CCDC60: variants seen among roughly 807,000 people sequenced by gnomAD.
CCDC60 encodes coiled-coil domain-containing protein 60.
CCDC60 carries 54 observed loss-of-function variants against 63.5 expected under a neutral mutation model. The ratio of observed to expected loss-of-function variants is 0.85; its 90% CI spans 0.68 to 1.07. The LOEUF is 1.07. Ranked by LOEUF, CCDC60 falls within the 50% of genes least tolerant of loss-of-function variation. The pLI, the probability that CCDC60 is intolerant of heterozygous loss-of-function variation, is 0.00. For missense variants in CCDC60, 651 were observed against 684.3 expected, an observed-to-expected ratio of 0.95 and a Z score of 0.54; for synonymous variants, 206 against 238.8, an observed-to-expected ratio of 0.86 and a Z score of 1.27.
Position 119,420,500 on chromosome 12 carries a change from G to T in CCDC60, c.91-8183G>T, listed in dbSNP as rs1332932666. 6.6e-6 allele frequency among the ~76,000 whole-genome samples: 1 copy of T among 152,132 alleles called. No homozygotes were observed. The highest frequency in any genetic ancestry group is 1.5e-5 in the Non-Finnish European group (1 of 68,030). Reference sequence around the variant, plus strand: ...ATCACATGTTCTCACTTATTTGTGGGATCTACAAATCAAAACAATTGAACT... The same window carrying T: ...ATCACATGTTCTCACTTATTTGTGGTATCTACAAATCAAAACAATTGAACT... On this transcript the variant is annotated intron_variant, in intron 1 of 13. Coordinates refer to ENST00000327554, the MANE Select transcript of CCDC60 (RefSeq NM_178499.5). This position sits in a 1 kb window ranked among gnomAD's most constrained non-coding sequence, Gnocchi z 4.1.
intron 7 of CCDC60, among the ~76,000 whole-genome samples, chr12:119,512,018 G>T (rs1322402616): frequency 6.6e-6 from 1 of 152,192 alleles, no homozygotes; most frequent in Non-Finnish European, 1.5e-5. Context: ...AGCTGGAGTA[G>T]AAAATGGCTT....
intron 1 of CCDC60, among the ~76,000 whole-genome samples, chr12:119,400,296 G>A (rs541905858): frequency 6.6e-6 from 1 of 152,172 alleles, no homozygotes; most frequent in African/African-American, 2.4e-5. Flanking sequence ...TGATCCACCC[G>A]CCTTGGCCTC....
At position 119,456,318 on chromosome 12, in the gene CCDC60, C is replaced by T. The variant is rs1032718478; in HGVS notation, c.171-15676C>T. ...AAGGAAAAGACCTGGTGGGAAACTA[C>T]CTAAAGTAAATGATGGTTTCTGGCT... On this transcript the variant is annotated intron_variant, in intron 2 of 13. Transcript: ENST00000327554. The surrounding 1 kb of genome is among the most constrained non-coding windows in gnomAD (Gnocchi z 4.6). 6.6e-6 allele frequency among the ~76,000 whole-genome samples: 1 copy of T among 152,106 alleles called. No homozygotes were observed. The highest frequency in any genetic ancestry group is 6.5e-5 in the Admixed American group (1 of 15,272).
intron 4 of CCDC60, among the ~76,000 whole-genome samples, chr12:119,482,135 CATATATAT>C (rs201607729): frequency 7.1e-6 from 1 of 141,478 alleles, no homozygotes; most frequent in Non-Finnish European, 1.5e-5. Flanking sequence ...TATATATACA[CATATATAT>C]ACACACACAC....
At chr12:119,517,673 C>A (rs1952390282) in intron 8 of CCDC60, among the ~76,000 whole-genome samples, 1 of 152,134 alleles carries the variant, frequency 6.6e-6, no homozygotes, top group African/African-American at 2.4e-5. Context: ...GACCACAACA[C>A]CTTCAGGGAA....
intron 4 of CCDC60, among the ~76,000 whole-genome samples, chr12:119,483,210 C>G (rs1324304570): frequency 6.6e-6 from 1 of 152,194 alleles, no homozygotes; most frequent in Non-Finnish European, 1.5e-5. Flanking sequence ...GTGTGCAAAG[C>G]AGAGAGGGAT....
intron 2 of CCDC60, among the ~76,000 whole-genome samples, chr12:119,468,599 T>C (rs1361437653): frequency 6.6e-6 from 1 of 152,102 alleles, no homozygotes; most frequent in Non-Finnish European, 1.5e-5. Flanking sequence ...AGCACATTCA[T>C]AAAGAGCAAA....
rs866774486 is a variant in CCDC60, at chr12:119,360,014, T to C, written c.90+24748T>C. On this transcript the variant is annotated intron_variant, in intron 1 of 13. Transcript: ENST00000327554. Reference sequence around the variant, plus strand: ...CCCTTTCTATTCCACAAAGCCGCCATTGTCATCCTGGCCCGTTCTCAATGA... The same window carrying C: ...CCCTTTCTATTCCACAAAGCCGCCACTGTCATCCTGGCCCGTTCTCAATGA... 4.0e-3 allele frequency among the ~76,000 whole-genome samples: 605 copies of C among 152,072 alleles called. 6 individuals carry two copies. The highest frequency in any genetic ancestry group is 0.014 in the African/African-American group (564 of 41,488).
chr12:119,406,579 G>A (rs1258160140), intron 1 of CCDC60, among the ~76,000 whole-genome samples: 2 of 151,850 alleles, frequency 1.3e-5, no homozygotes, highest in Non-Finnish European at 2.9e-5. Flanking sequence ...GAGGAGGAGA[G>A]AGAAAACAGC....
intron 2 of CCDC60, among the ~76,000 whole-genome samples, chr12:119,448,785 C>T (rs75464010): frequency 0.032 from 4,903 of 152,212 alleles, 266 homozygotes; most frequent in African/African-American, 0.11. Context: ...GAAACCAGAG[C>T]TGTGGTGGGC....
At chr12:119,500,006 C>A in intron 5 of CCDC60, 72 bp from the exon 6 acceptor site, 1 of 1,049,808 alleles carries the variant, frequency 9.5e-7, no homozygotes, top group Non-Finnish European at 1.5e-6. Flanking sequence ...CTATTTATTG[C>A]ATTTCTTAAA....
intron 1 of CCDC60, among the ~76,000 whole-genome samples, chr12:119,352,893 T>C (rs535646642): frequency 6.6e-6 from 1 of 152,186 alleles, no homozygotes; most frequent in East Asian, 1.9e-4. Context: ...TGAGCCAAGA[T>C]TGTGCCACTG....
intron 1 of CCDC60, among the ~76,000 whole-genome samples, chr12:119,405,189 G>A (rs1008665070): frequency 2.6e-5 from 4 of 152,204 alleles, no homozygotes; most frequent in Admixed American, 2.6e-4. Context: ...ACAACCAAGA[G>A]GAAGGTGTTT....
chr12:119,522,555 C>G (rs139688662), intron 9 of CCDC60, among the ~76,000 whole-genome samples: 1 of 152,252 alleles, frequency 6.6e-6, no homozygotes, highest in African/African-American at 2.4e-5. Context: ...GGTCCTAAGT[C>G]AATTCACCCT....
intron 7 of CCDC60, among the ~76,000 whole-genome samples, chr12:119,506,970 C>T (rs566360950): frequency 6.6e-6 from 1 of 152,096 alleles, no homozygotes; most frequent in South Asian, 2.1e-4. Context: ...CCACAAAATT[C>T]TTGACTCTGA....
intron 5 of CCDC60, among the ~76,000 whole-genome samples, chr12:119,494,612 C>CA (rs947655265): frequency 3.9e-5 from 6 of 152,154 alleles, no homozygotes; most frequent in Non-Finnish European, 8.8e-5. Context: ...TGTCCAGGCA[C>CA]AAAAAATCCA....
At chr12:119,412,763 A>ACCCCCCCCCCCC (rs150785942) in intron 1 of CCDC60, among the ~76,000 whole-genome samples, 7 of 88,018 alleles carry the variant, frequency 8.0e-5, no homozygotes, top group Non-Finnish European at 1.3e-4. Context: ...AAAGCCCCCC[A>ACCCCCCCCCCCC]CCCCCCCCCA....
intron 5 of CCDC60, among the ~76,000 whole-genome samples, chr12:119,489,304 T>C (rs190128452): frequency 1.3e-5 from 2 of 152,354 alleles, no homozygotes; most frequent in Admixed American, 6.5e-5. Context: ...CTTTTCTTTT[T>C]GTTTTTGTTT....
Position 119,344,855 on chromosome 12 carries a change from T to TCTCTCA in CCDC60, c.90+9590_90+9591insTCTCAC, listed in dbSNP as rs1232194303. 1.6e-3 allele frequency among the ~76,000 whole-genome samples: 189 copies of TCTCTCA among 114,858 alleles called. 1 individual carries two copies. In the East Asian group the frequency reaches 0.019, roughly 12 times the overall value. 75.4% of individuals were successfully genotyped at this position (114,858 alleles called of 152,430 possible). ...CTCTCTTTCTCTCTCTCTCTCTCTC[T>TCTCTCA]CACACACACACACACACACACACAC... On this transcript the variant is annotated intron_variant, in intron 1 of 13. Transcript: ENST00000327554.
Sources: allele counts gnomAD v4.1 joint callset (sites outside exome capture counted in the v4.1 genomes callset), GRCh38; gene constraint gnomAD v4.1.1; non-coding constraint Gnocchi (gnomAD v3.1); transcripts MANE v1.5; gene names NCBI Gene and HGNC (gene_info 2026-07-23, HGNC 2026-07-21).